The following MAPK8 variants were observed in gnomAD, a reference collection of about 807,000 sequenced individuals.
MAPK8 encodes the protein JUN N-terminal kinase.
In MAPK8, 13 loss-of-function variants were observed where a neutral mutation model predicts 52.9. The ratio of observed to expected loss-of-function variants is 0.25; its 90% confidence interval spans 0.16 to 0.39. MAPK8 has a LOEUF of 0.39. MAPK8 is among the 10% of genes least tolerant of loss of function. The probability of loss-of-function intolerance (pLI) is 1.00; values close to 1 mark genes in which losing one functional copy is unlikely to be tolerated. For synonymous variants in MAPK8, 191 were observed against 169.8 expected (o/e 1.12, Z -0.97); for missense variants, 300 against 519.2 (o/e 0.58, Z 4.10).
intron 1 of MAPK8, among the ~76,000 whole-genome samples, chr10:48,320,062 G>T (rs984533517): frequency 1.3e-5 from 2 of 151,430 alleles, no homozygotes; most frequent in African/African-American, 4.9e-5. Context: ...GATTACAGGC[G>T]CATGCCACCA....
At chr10:48,434,135 A>C (rs914183383) in intron 11 of MAPK8, among the ~76,000 whole-genome samples, 9 of 152,308 alleles carry the variant, frequency 5.9e-5, no homozygotes, top group Non-Finnish European at 1.3e-4. Flanking sequence ...AATCCAGGAA[A>C]TGCTTGTTAG....
intron 3 of MAPK8, among the ~76,000 whole-genome samples, chr10:48,409,149 A>G (rs2133066316): frequency 6.6e-6 from 1 of 152,290 alleles, no homozygotes; most frequent in South Asian, 2.1e-4. Flanking sequence ...TACAGCATGA[A>G]CAGTCTAGAT....
chr10:48,369,031 G>T (rs530888404), intron 1 of MAPK8, among the ~76,000 whole-genome samples: 1 of 152,126 alleles, frequency 6.6e-6, no homozygotes, highest in South Asian at 2.1e-4. Context: ...TGCTAAGAGG[G>T]CAGGGTCATG....
intron 1 of MAPK8, among the ~76,000 whole-genome samples, chr10:48,322,283 A>C (rs546833862): frequency 1.3e-5 from 2 of 150,744 alleles, no homozygotes; most frequent in East Asian, 3.9e-4. Flanking sequence ...TGAAGTTAGC[A>C]GGGTTTTGTA....
In MAPK8 at chr10:48,436,631, A is replaced by T. The variant is rs1457671345; in HGVS notation, c.*1602A>T. ...TGCAATGTCTGAAAATTTGCTTGGC[A>T]TTTTATTCATATATTTAGTGCAAAA... On this transcript the variant is annotated 3_prime_UTR_variant, in exon 12 of 12. Transcript: ENST00000374189. The T allele has an allele frequency of 6.6e-6, 1 of 152,220 alleles. No homozygotes were observed. The highest frequency in any genetic ancestry group is 2.4e-5 in the African/African-American group (1 of 41,462). The allele number at this position is 152,220 out of a possible 1,614,324, so 9.4% of individuals were successfully genotyped here.
chr10:48,385,350 C>T (rs889480242), intron 1 of MAPK8, among the ~76,000 whole-genome samples: 1 of 152,018 alleles, frequency 6.6e-6, no homozygotes. Flanking sequence ...ACCCAAACCA[C>T]AAAAAAACAA....
At chr10:48,413,861 T>TATATC (rs2042916865) in intron 5 of MAPK8, among the ~76,000 whole-genome samples, 1 of 54,516 alleles carries the variant, frequency 1.8e-5, no homozygotes, top group Non-Finnish European at 4.0e-5. Flanking sequence ...ATATATATAT[T>TATATC]CAGAAATATT....
At chr10:48,366,370 G>C (rs1245291455) in intron 1 of MAPK8, among the ~76,000 whole-genome samples, 1 of 152,130 alleles carries the variant, frequency 6.6e-6, no homozygotes, top group Non-Finnish European at 1.5e-5. Context: ...ACTTACAACT[G>C]GTGAGCTGTT....
rs532721833 is a variant in MAPK8, at chr10:48,426,511, T to C, written c.996+7T>C. On this transcript the variant is annotated splice_region_variant and intron_variant, in intron 9 of 11. Coordinates refer to ENST00000374189, the MANE Select transcript of MAPK8 (RefSeq NM_001323329.2). ...TCCTTCTGAAGCAGAAGCTGTAAGT[T>C]ATTTTCTTAATGTTTACAGAACATA... 6.2e-7 allele frequency: 1 copy of C among 1,606,750 alleles called. No homozygotes were observed. The highest frequency in any genetic ancestry group is 8.5e-7 in the Non-Finnish European group (1 of 1,177,408).
intron 1 of MAPK8, among the ~76,000 whole-genome samples, chr10:48,326,996 A>C (rs1260880522): frequency 6.6e-6 from 1 of 152,200 alleles, no homozygotes; most frequent in Admixed American, 6.5e-5. Context: ...TAAGTGGACA[A>C]TCATGTCATC....
At chr10:48,416,892 A>G (rs2043093789) in intron 5 of MAPK8, among the ~76,000 whole-genome samples, 1 of 152,126 alleles carries the variant, frequency 6.6e-6, no homozygotes, top group South Asian at 2.1e-4. Flanking sequence ...ATATTGAAGA[A>G]TGTATTTTCC....
At chr10:48,318,295 G>C (rs1842689891) in intron 1 of MAPK8, among the ~76,000 whole-genome samples, 1 of 152,162 alleles carries the variant, frequency 6.6e-6, no homozygotes, top group South Asian at 2.1e-4. Flanking sequence ...AAACTTGACT[G>C]TTTGTAGATA....
At chr10:48,404,441 C>G (rs187329609) in intron 2 of MAPK8, among the ~76,000 whole-genome samples, 1 of 152,190 alleles carries the variant, frequency 6.6e-6, no homozygotes, top group South Asian at 2.1e-4. Flanking sequence ...CAGGCGTGAG[C>G]CACTGCACCC....
chr10:48,363,991 T>C (rs752353139), intron 1 of MAPK8, among the ~76,000 whole-genome samples: 5 of 152,240 alleles, frequency 3.3e-5, no homozygotes, highest in Non-Finnish European at 7.3e-5. Flanking sequence ...CAATTGCCAA[T>C]AATCTATTTA....
chr10:48,362,548 A>G (rs1389113228), intron 1 of MAPK8, among the ~76,000 whole-genome samples: 2 of 114,228 alleles, frequency 1.8e-5, no homozygotes, highest in Non-Finnish European at 3.4e-5. Context: ...ATTAGCCTCT[A>G]TTTTGGGGGT....
chr10:48,325,687 C>T (rs1435693484), intron 1 of MAPK8, among the ~76,000 whole-genome samples: 1 of 152,122 alleles, frequency 6.6e-6, no homozygotes, highest in Non-Finnish European at 1.5e-5. Context: ...AAATCCATAG[C>T]TTATTCAGCT....
chr10:48,332,828 G>C (rs1176083938), intron 1 of MAPK8, among the ~76,000 whole-genome samples: 1 of 152,206 alleles, frequency 6.6e-6, no homozygotes, highest in Admixed American at 6.5e-5. Flanking sequence ...TTTTCCAAAA[G>C]TGTGTACCAC....
chr10:48,367,621 C>G (rs905741747), intron 1 of MAPK8, among the ~76,000 whole-genome samples: 6 of 152,026 alleles, frequency 3.9e-5, no homozygotes, highest in Admixed American at 6.6e-5. Flanking sequence ...AGTTTCTTCA[C>G]TTATGTTGAG....
intron 1 of MAPK8, among the ~76,000 whole-genome samples, chr10:48,396,736 A>G (rs1273639572): frequency 6.6e-6 from 1 of 152,242 alleles, no homozygotes; most frequent in Non-Finnish European, 1.5e-5. Context: ...AGAGCAAGCT[A>G]TTGATATACC....
Sources: allele counts gnomAD v4.1 joint callset (sites outside exome capture counted in the v4.1 genomes callset), GRCh38; gene constraint gnomAD v4.1.1; transcripts MANE v1.5; gene names NCBI Gene and HGNC (gene_info 2026-07-23, HGNC 2026-07-21).